FARS2: variants seen among roughly 807,000 people sequenced by gnomAD.
FARS2 encodes phenylalanine--tRNA ligase, mitochondrial.
FARS2 carries 40 observed loss-of-function variants against 46.4 expected under a neutral mutation model. The ratio of observed to expected loss-of-function variants is 0.86; its 90% CI spans 0.67 to 1.12. The LOEUF (loss-of-function observed/expected upper bound fraction) is 1.12. FARS2 is among the 50% of genes most tolerant of loss of function. FARS2 has a pLI of 0.00. For synonymous variants in FARS2, 234 were observed against 214.9 expected, an observed-to-expected ratio of 1.09 and a Z score of -0.78; for missense variants, 513 against 567.9, an observed-to-expected ratio of 0.90 and a Z score of 0.98.
chr6:5,688,810 G>A (rs889097131), intron 6 of FARS2, among the ~76,000 whole-genome samples: 5 of 152,212 alleles, frequency 3.3e-5, no homozygotes, highest in African/African-American at 9.6e-5. Context: ...GGTAGAATTC[G>A]GCTGTGAATC....
chr6:5,446,481 G>C (rs939525620), intron 4 of FARS2, among the ~76,000 whole-genome samples: 1 of 152,092 alleles, frequency 6.6e-6, no homozygotes, highest in Admixed American at 6.5e-5. Context: ...TGTGTGGTAG[G>C]AACCATACCC....
intron 5 of FARS2, among the ~76,000 whole-genome samples, chr6:5,595,924 CT>C (rs1774173845): frequency 1.3e-5 from 2 of 152,104 alleles, no homozygotes; most frequent in Non-Finnish European, 2.9e-5. Context: ...TGACCTCCCC[CT>C]TAGACCTCAT....
At chr6:5,367,809 C>G (rs1758777915) in intron 1 of FARS2, among the ~76,000 whole-genome samples, 1 of 152,120 alleles carries the variant, frequency 6.6e-6, no homozygotes, top group Non-Finnish European at 1.5e-5. Context: ...GTTTAAGTGA[C>G]ATGACCAGAT....
chr6:5,505,273 C>T (rs1486270762), intron 4 of FARS2, among the ~76,000 whole-genome samples: 1 of 152,090 alleles, frequency 6.6e-6, no homozygotes, highest in Non-Finnish European at 1.5e-5. Flanking sequence ...CTGGGAGCTT[C>T]CTTCGCTCTT....
intron 6 of FARS2, among the ~76,000 whole-genome samples, chr6:5,629,298 C>T (rs192090710): frequency 2.0e-5 from 3 of 152,248 alleles, no homozygotes; most frequent in Admixed American, 6.5e-5. Context: ...AAATTAGAAA[C>T]GTGTCACCAT....
At position 5,296,585 on chromosome 6, in the gene FARS2, C is replaced by G. The variant is rs1026913060; in HGVS notation, c.-22+34925C>G. Reference sequence around the variant, plus strand: ...CCAGTAAACACGAACTCCCCATCCCCTCTCCCCCAAGCCTCTGGCAACCAC... The same window carrying G: ...CCAGTAAACACGAACTCCCCATCCCGTCTCCCCCAAGCCTCTGGCAACCAC... On this transcript the variant is annotated intron_variant, in intron 1 of 6. Transcript: ENST00000274680. Among the ~76,000 whole-genome samples the G allele has an allele frequency of 6.6e-5, 10 of 152,312 alleles. No individual in the cohort carries two copies. The East Asian group carries it at 1.2e-3, about 18-fold the overall frequency.
intron 4 of FARS2, among the ~76,000 whole-genome samples, chr6:5,538,516 C>T (rs965879918): frequency 5.3e-5 from 8 of 151,964 alleles, no homozygotes; most frequent in East Asian, 1.9e-4. Context: ...GAATTTTGAC[C>T]GATTATGTAG....
intron 5 of FARS2, among the ~76,000 whole-genome samples, chr6:5,585,065 A>G (rs150547669): frequency 3.3e-4 from 51 of 152,306 alleles, no homozygotes; most frequent in African/African-American, 1.1e-3. Flanking sequence ...TAAGATTCAT[A>G]TATATAAGCT....
At chr6:5,513,258 T>C (rs9328308) in intron 4 of FARS2, among the ~76,000 whole-genome samples, 105,097 of 151,984 alleles carry the variant, frequency 0.69, 36,606 homozygotes, top group Non-Finnish European at 0.73. Context: ...ACAGCGAGGT[T>C]ATTACCTGAG....
intron 6 of FARS2, among the ~76,000 whole-genome samples, chr6:5,683,867 G>A (rs1779160291): frequency 6.6e-6 from 1 of 152,058 alleles, no homozygotes. Context: ...GAGAACATGT[G>A]GTATTTGGTT....
At chr6:5,451,847 T>G (rs1377012182) in intron 4 of FARS2, 1 of 152,246 alleles carries the variant, frequency 6.6e-6, no homozygotes, top group Admixed American at 6.5e-5. Flanking sequence ...AGGATCAGTT[T>G]AAATGCTTTT....
At chr6:5,750,952 A>G (rs1409157672) in intron 6 of FARS2, among the ~76,000 whole-genome samples, 1 of 152,084 alleles carries the variant, frequency 6.6e-6, no homozygotes, top group African/African-American at 2.4e-5. Flanking sequence ...AATTGACTCA[A>G]CCTAGAACTT....
Position 5,426,873 on chromosome 6 carries a change from G to A in FARS2, c.773-4168G>A, listed in dbSNP as rs747089875. ...ACTCCTGATCTTAACTAATCTGTCCGCCTCAGCCTCCTGAAGTACTGGGAT... is the reference window on the plus strand; with the variant it reads ...ACTCCTGATCTTAACTAATCTGTCCACCTCAGCCTCCTGAAGTACTGGGAT... On this transcript the variant is annotated intron_variant, in intron 3 of 6. Coordinates refer to ENST00000274680, the MANE Select transcript of FARS2 (RefSeq NM_006567.5). 3.3e-5 allele frequency among the ~76,000 whole-genome samples: 5 copies of A among 152,256 alleles called. No homozygotes were observed. In the South Asian group the frequency reaches 6.2e-4, roughly 19 times the overall value.
chr6:5,454,582 G>A (rs984697357), intron 4 of FARS2, among the ~76,000 whole-genome samples: 1 of 152,124 alleles, frequency 6.6e-6, no homozygotes, highest in African/African-American at 2.4e-5. Context: ...CTGACCTTGT[G>A]ACCCACCCAC....
chr6:5,303,814 C>T (rs564342831), intron 1 of FARS2, among the ~76,000 whole-genome samples: 2 of 152,146 alleles, frequency 1.3e-5, no homozygotes, highest in South Asian at 2.1e-4. Context: ...ATGTGAAGTG[C>T]GCCCGGGGAA....
rs990791170 is a variant in FARS2, at chr6:5,343,830, A to G, written c.-21-24720A>G. On this transcript the variant is annotated intron_variant, in intron 1 of 6. Coordinates refer to ENST00000274680, the MANE Select transcript of FARS2 (RefSeq NM_006567.5). The surrounding 1 kb of genome is among the most constrained non-coding windows in gnomAD (Gnocchi z 4.5). ...CCAAGTCTGTAGTGTCAGTTTTACC[A>G]CTTGAGAATTTCAGAAATGAAGTTT... Among the ~76,000 whole-genome samples, 2 of 152,146 alleles carry G rather than the reference A, an allele frequency of 1.3e-5. No homozygotes were observed. Among genetic ancestry groups the G allele is most frequent in the African/African-American group, 4.8e-5 (2 of 41,426 alleles).
At chr6:5,317,012 C>T (rs1485678324) in intron 1 of FARS2, among the ~76,000 whole-genome samples, 1 of 152,126 alleles carries the variant, frequency 6.6e-6, no homozygotes, top group Non-Finnish European at 1.5e-5. Flanking sequence ...ATCACACTCA[C>T]CTCCTGTCAC....
intron 4 of FARS2, among the ~76,000 whole-genome samples, chr6:5,496,880 C>G (rs1216166139): frequency 1.3e-5 from 2 of 152,066 alleles, no homozygotes; most frequent in African/African-American, 4.8e-5. Flanking sequence ...GTAGAGGTCT[C>G]ACTATATTGC....
intron 6 of FARS2, among the ~76,000 whole-genome samples, chr6:5,667,336 G>A (rs1305372319): frequency 6.6e-6 from 1 of 151,540 alleles, no homozygotes; most frequent in Non-Finnish European, 1.5e-5. Context: ...TGGCCAATAT[G>A]GAGAAACCCC....
Sources: allele counts gnomAD v4.1 joint callset (sites outside exome capture counted in the v4.1 genomes callset), GRCh38; gene constraint gnomAD v4.1.1; non-coding constraint Gnocchi (gnomAD v3.1); transcripts MANE v1.5; gene names NCBI Gene and HGNC (gene_info 2026-07-23, HGNC 2026-07-21).